The following INTS2 variants were observed in gnomAD, a reference collection of about 807,000 sequenced individuals.
INTS2 encodes KIAA1287.
Under a neutral mutation model 139.6 loss-of-function variants are expected in INTS2, and 57 were observed. The observed-to-expected ratio is 0.41, with a 90% CI of 0.33 to 0.51. The LOEUF (loss-of-function observed/expected upper bound fraction) is 0.51. Among genes scored for constraint, INTS2 ranks in the 20% least tolerant of loss-of-function variants. The pLI is 0.28. For synonymous variants in INTS2, 473 were observed against 493.4 expected (o/e 0.96, Z 0.55); for missense variants, 1,196 against 1,436.7 (o/e 0.83, Z 2.71).
In INTS2 at chr17:61,870,583, C is replaced by T. The variant is rs2079081047; in HGVS notation, c.2779-595G>A. 6.6e-6 allele frequency among the ~76,000 whole-genome samples: 1 copy of T among 151,948 alleles called. No individual in the cohort carries two copies. The highest frequency in any genetic ancestry group is 1.5e-5 in the Non-Finnish European group (1 of 68,000). On this transcript the variant is annotated intron_variant, in intron 20 of 24. Transcript: ENST00000251334. This position sits in a 1 kb window ranked among gnomAD's most constrained non-coding sequence, Gnocchi z 4.4. The stretch of plus-strand genomic sequence containing the variant: ...GGGGTAATGGCAATATATTTGAGGC[C>T]CCTATATATAAAGGAGAGCTAAAAT...
chr17:61,903,665 CA>C (rs542642709), intron 9 of INTS2, among the ~76,000 whole-genome samples: 1,228 of 109,626 alleles, frequency 0.011, 10 homozygotes, highest in East Asian at 0.063. Flanking sequence ...AATATTAATC[CA>C]AAAAAAAAAA....
chr17:61,875,180 A>G lies in INTS2; in HGVS notation c.2457-142T>C. 7 of 523,874 alleles carry G rather than the reference A, an allele frequency of 1.3e-5. No homozygotes were observed. The highest frequency in any genetic ancestry group is 2.2e-5 in the Non-Finnish European group (7 of 315,076). 32.5% of individuals were successfully genotyped at this position (523,874 alleles called of 1,614,324 possible). ...AATGAACTTTGAAAAAATTTAAGCTACAGACATCTAACCTATTAAAATATC... is the reference window on the plus strand; with the variant it reads ...AATGAACTTTGAAAAAATTTAAGCTGCAGACATCTAACCTATTAAAATATC... On this transcript the variant is annotated intron_variant, in intron 18 of 24. Coordinates refer to ENST00000251334, the MANE Select transcript of INTS2 (RefSeq NM_001351695.2). The surrounding 1 kb of genome is among the most constrained non-coding windows in gnomAD (Gnocchi z 4.6).
In INTS2 at chr17:61,869,240, T is replaced by C. The variant is rs773322718; in HGVS notation, c.3138+33A>G. On this transcript the variant is annotated intron_variant, in intron 22 of 24. Coordinates refer to ENST00000251334, the MANE Select transcript of INTS2 (RefSeq NM_001351695.2). The surrounding 1 kb of genome is among the most constrained non-coding windows in gnomAD (Gnocchi z 5.4). ...TAACTAGTAAGACTGGAGAGAGAGA[T>C]CAATTGTCCTAAAGCTCCAAAATGC... 19 of 1,493,036 alleles carry C rather than the reference T, an allele frequency of 1.3e-5. No individual in the cohort carries two copies. The Admixed American group carries it at 3.4e-4, about 26-fold the overall frequency. 92.5% of individuals were successfully genotyped at this position (1,493,036 alleles called of 1,614,324 possible). A position where few individuals can be genotyped will look rare whatever the true frequency, so the allele number is the denominator to read the frequency against.
chr17:61,913,059 C>A (rs945066762), intron 5 of INTS2, among the ~76,000 whole-genome samples: 1 of 148,658 alleles, frequency 6.7e-6, no homozygotes, highest in African/African-American at 2.5e-5. Context: ...CTGGGTGACA[C>A]AGCAAGACTC....
chr17:61,901,731 C>A (rs1185916894), intron 9 of INTS2, among the ~76,000 whole-genome samples: 1 of 151,638 alleles, frequency 6.6e-6, no homozygotes. Flanking sequence ...TACAGGACTG[C>A]AGGCGCCCGC....
chr17:61,922,130 A>C (rs1159166569), intron 3 of INTS2, among the ~76,000 whole-genome samples: 2 of 152,276 alleles, frequency 1.3e-5, no homozygotes, highest in East Asian at 3.9e-4. Flanking sequence ...GCCTACATAA[A>C]CTGCTTTAAA....
At chr17:61,899,744 C>G (rs979093165) in intron 9 of INTS2, among the ~76,000 whole-genome samples, 1 of 151,728 alleles carries the variant, frequency 6.6e-6, no homozygotes, top group Non-Finnish European at 1.5e-5. Context: ...GATCCCATCT[C>G]TACAAAAAAA....
In INTS2 at chr17:61,873,184, G is replaced by A. The variant is rs1381539647; in HGVS notation, c.2583-724C>T. Among the ~76,000 whole-genome samples, 1 of 152,052 alleles carries A rather than the reference G, an allele frequency of 6.6e-6. No individual in the cohort carries two copies. The highest frequency in any genetic ancestry group is 1.9e-4 in the East Asian group (1 of 5,194). The stretch of plus-strand genomic sequence containing the variant: ...TAGAAATAAAATATCCTAGGGGATT[G>A]GGTTAAGCATAGCTCTATAAAATGG... On this transcript the variant is annotated intron_variant, in intron 19 of 24. Transcript: ENST00000251334. The surrounding 1 kb of genome is among the most constrained non-coding windows in gnomAD (Gnocchi z 4.0).
Position 61,877,870 on chromosome 17 carries a change from C to A in INTS2, c.2456+17G>T, listed in dbSNP as rs1172486075. The stretch of plus-strand genomic sequence containing the variant: ...CTATATAATTATCTATTACATGTAA[C>A]AATACACTGAATTTACCTTCTAGGC... On this transcript the variant is annotated intron_variant, in intron 18 of 24. Coordinates refer to ENST00000251334, the MANE Select transcript of INTS2 (RefSeq NM_001351695.2). The A allele has an allele frequency of 1.5e-5, 23 of 1,576,272 alleles. No homozygotes were observed. Among genetic ancestry groups the A allele is most frequent in the Non-Finnish European group, 1.9e-5 (22 of 1,145,840 alleles).
intron 7 of INTS2, 85 bp from the exon 8 acceptor site, chr17:61,907,719 A>C: frequency 4.9e-6 from 5 of 1,025,780 alleles, no homozygotes; most frequent in Non-Finnish European, 7.2e-6. Context: ...ACCCCACTTA[A>C]ACACTTTCAA....
At position 61,909,825 on chromosome 17, in the gene INTS2, G is replaced by A. The variant is rs28765492; in HGVS notation, c.954+1695C>T. On this transcript the variant is annotated intron_variant, in intron 7 of 24. Transcript: ENST00000251334. This position sits in a 1 kb window ranked among gnomAD's most constrained non-coding sequence, Gnocchi z 4.9. Reference sequence around the variant, plus strand: ...TACGTGTGTGTGTACATGTGTGTATGTGTGTGTGTGTGTGTGTGTGTGTGT... The same window carrying A: ...TACGTGTGTGTGTACATGTGTGTATATGTGTGTGTGTGTGTGTGTGTGTGT... Among the ~76,000 whole-genome samples the A allele has an allele frequency of 0.021, 111 of 5,316 alleles. 1 individual carries two copies. In the East Asian group the frequency reaches 0.39, roughly 19 times the overall value. 3.5% of individuals were successfully genotyped at this position (5,316 alleles called of 152,430 possible).
rs531465059 is a variant in INTS2 at position 61,891,597 on chromosome 17, A to G, written c.1791T>C (p.Thr597=). 2 of 1,613,614 alleles carry G rather than the reference A, an allele frequency of 1.2e-6. No homozygotes were observed. Among genetic ancestry groups the G allele is most frequent in the Admixed American group, 1.7e-5 (1 of 60,020 alleles). ...LIDVYINSIL[T]PASKSNPEAT... ...CTTCTGGATTAGATTTCGACGCAGGAGTAAGTATAGAATTTATGTACACAT... is the reference window on the plus strand; with the variant it reads ...CTTCTGGATTAGATTTCGACGCAGGGGTAAGTATAGAATTTATGTACACAT... Residue 597 remains threonine, a synonymous_variant, in exon 14 of 25, where the codon ACT becomes ACC. Coordinates refer to ENST00000251334, the MANE Select transcript of INTS2 (RefSeq NM_001351695.2).
At chr17:61,917,210 T>C (rs536494324) in intron 5 of INTS2, among the ~76,000 whole-genome samples, 4 of 152,320 alleles carry the variant, frequency 2.6e-5, no homozygotes, top group East Asian at 1.9e-4. Context: ...GTTCAGCCAC[T>C]GTGGAAAGCA....
intron 4 of INTS2, among the ~76,000 whole-genome samples, chr17:61,920,486 C>CTTTT (rs1187583288): frequency 3.8e-5 from 4 of 106,498 alleles, no homozygotes; most frequent in Non-Finnish European, 7.6e-5. Context: ...CTGGCCTATA[C>CTTTT]TTTTTTTTTT....
rs1241382758 is a variant in INTS2 at position 61,921,805 on chromosome 17, A to T, written c.455T>A (p.Phe152Tyr). ...AAAAAGTTCAGAAGACTTGAAAAAA[A>T]ATTCTCCGTTGGACTCAGACACCTT... ...MNKVSESNGE[F>Y]FFKSSELFES... The change falls in exon 4 of 25, where the codon TTT (phenylalanine) becomes TAT (tyrosine). Residue 152 changes from phenylalanine (F) to tyrosine (Y), a missense_variant. Phe to Tyr is a conservative substitution (Grantham distance 22, BLOSUM62 3). This residue lies in a region of INTS2 where 1,129 missense variants were observed against 1,341.9 expected (regional missense o/e 0.84). Coordinates refer to ENST00000251334, the MANE Select transcript of INTS2 (RefSeq NM_001351695.2). The T allele has an allele frequency of 6.3e-7, 1 of 1,599,998 alleles. No individual in the cohort carries two copies. Among genetic ancestry groups the T allele is most frequent in the South Asian group, 1.1e-5 (1 of 88,560 alleles).
chr17:61,927,795 G>A lies in INTS2; in HGVS notation c.-160C>T, dbSNP rs2079733574. ...CCAAACCCTAGTTGTGCCTCGAGTCGACTCGGACACCAAGAACTCAGACGC... is the reference window on the plus strand; with the variant it reads ...CCAAACCCTAGTTGTGCCTCGAGTCAACTCGGACACCAAGAACTCAGACGC... On this transcript the variant is annotated 5_prime_UTR_variant, in exon 1 of 25. Coordinates refer to ENST00000251334, the MANE Select transcript of INTS2 (RefSeq NM_001351695.2). 1.2e-6 allele frequency: 2 copies of A among 1,602,184 alleles called. No individual in the cohort carries two copies. The highest frequency in any genetic ancestry group is 1.7e-6 in the Non-Finnish European group (2 of 1,173,722).
rs1299229319 is a variant in INTS2, at chr17:61,927,885, G to A, written c.-250C>T. On this transcript the variant is annotated 5_prime_UTR_variant, in exon 1 of 25. Coordinates refer to ENST00000251334, the MANE Select transcript of INTS2 (RefSeq NM_001351695.2). ...GGGGCACCACACAAAGGCAGAACCG[G>A]GACTGTAGGAACGGAAAAGCGGGAG... 10 of 1,611,548 alleles carry A rather than the reference G, an allele frequency of 6.2e-6. No individual in the cohort carries two copies. The highest frequency in any genetic ancestry group is 7.6e-6 in the Non-Finnish European group (9 of 1,179,824).
chr17:61,867,509 A>T lies in INTS2; in HGVS notation c.*48T>A. 1 of 1,177,688 alleles carries T rather than the reference A, an allele frequency of 8.5e-7. No individual in the cohort carries two copies. The highest frequency in any genetic ancestry group is 1.2e-6 in the Non-Finnish European group (1 of 814,592). The allele number at this position is 1,177,688 out of a possible 1,614,324, so 73.0% of individuals were successfully genotyped here. ...AGAGTTGTTACTAATATGCAGATTC[A>T]TGTTGGGTATATGCAGCAAACAACT... On this transcript the variant is annotated 3_prime_UTR_variant, in exon 25 of 25. Coordinates refer to ENST00000251334, the MANE Select transcript of INTS2 (RefSeq NM_001351695.2). This position sits in a 1 kb window ranked among gnomAD's most constrained non-coding sequence, Gnocchi z 5.6.
Position 61,869,546 on chromosome 17 carries a change from G to T in INTS2, c.3031-166C>A, listed in dbSNP as rs2079072424. ...CACTTTTCTGATGCACTAGAATAGA[G>T]ATTAAACTATCGAACATTTCATTAG... On this transcript the variant is annotated intron_variant, in intron 21 of 24. Transcript: ENST00000251334. This position sits in a 1 kb window ranked among gnomAD's most constrained non-coding sequence, Gnocchi z 5.4. Among the ~76,000 whole-genome samples, 1 of 151,746 alleles carries T rather than the reference G, an allele frequency of 6.6e-6. No homozygotes were observed. Among genetic ancestry groups the T allele is most frequent in the Non-Finnish European group, 1.5e-5 (1 of 67,944 alleles).
Sources: allele counts gnomAD v4.1 joint callset (sites outside exome capture counted in the v4.1 genomes callset), GRCh38; gene constraint gnomAD v4.1.1; regional missense constraint gnomAD v4.1.1; non-coding constraint Gnocchi (gnomAD v3.1); transcripts MANE v1.5; gene names NCBI Gene and HGNC (gene_info 2026-07-23, HGNC 2026-07-21).